ITPR1: variants seen among roughly 807,000 people sequenced by gnomAD.
The protein encoded by ITPR1 is inositol 1,4,5-trisphosphate receptor type 1, also known as inositol 1,4,5-trisphosphate-gated calcium channel ITPR1.
A neutral mutation model predicts 318.4 loss-of-function variants in ITPR1; 96 were observed. That is an observed-to-expected ratio of 0.30 (90% CI 0.26 to 0.36). ITPR1 has a LOEUF of 0.36. ITPR1 is among the 10% of genes least tolerant of loss of function. The probability of loss-of-function intolerance (pLI) is 1.00; values close to 1 mark genes in which losing one functional copy is unlikely to be tolerated. For synonymous variants in ITPR1, 1,312 were observed against 1,289.9 expected, an observed-to-expected ratio of 1.02 and a Z score of -0.37; for missense variants, 2,440 against 3,460.2, an observed-to-expected ratio of 0.71 and a Z score of 7.40.
chr3:4,666,737 G>A lies in ITPR1; in HGVS notation c.1714-640G>A, dbSNP rs548239485. Reference sequence around the variant, plus strand: ...CTATCTTGGCCAGGGAAGCATCTTTGAACAGAAACAAACAGGTATTTGTAA... The same window carrying A: ...CTATCTTGGCCAGGGAAGCATCTTTAAACAGAAACAAACAGGTATTTGTAA... On this transcript the variant is annotated intron_variant, in intron 17 of 61. Transcript: ENST00000649015. 5.3e-5 allele frequency among the ~76,000 whole-genome samples: 8 copies of A among 152,266 alleles called. No individual in the cohort carries two copies. The South Asian group carries it at 1.5e-3, about 28-fold the overall frequency.
intron 5 of ITPR1, among the ~76,000 whole-genome samples, chr3:4,628,497 C>G (rs1011852060): frequency 2.0e-5 from 3 of 152,160 alleles, no homozygotes; most frequent in African/African-American, 4.8e-5. Flanking sequence ...TGACATAGTT[C>G]TTTTAGTGCC....
At chr3:4,561,586 A>C (rs1208679568) in intron 4 of ITPR1, among the ~76,000 whole-genome samples, 1 of 152,192 alleles carries the variant, frequency 6.6e-6, no homozygotes, top group African/African-American at 2.4e-5. Context: ...AAAGAAGAGG[A>C]AAGGAGAAAA....
At chr3:4,644,771 G>A (rs2093417807) in intron 8 of ITPR1, among the ~76,000 whole-genome samples, 1 of 152,158 alleles carries the variant, frequency 6.6e-6, no homozygotes, top group South Asian at 2.1e-4. Flanking sequence ...GATAGATGTG[G>A]GTTCACATCC....
chr3:4,752,860 G>A (rs555623365), intron 44 of ITPR1, among the ~76,000 whole-genome samples: 76 of 152,226 alleles, frequency 5.0e-4, no homozygotes, highest in African/African-American at 1.5e-3. Context: ...ACACATTGGC[G>A]TCAATACAGT....
intron 53 of ITPR1, among the ~76,000 whole-genome samples, chr3:4,796,655 C>A (rs1221409665): frequency 2.0e-5 from 3 of 152,162 alleles, no homozygotes; most frequent in African/African-American, 7.2e-5. Flanking sequence ...GCATTCAGGC[C>A]AGTTCTGGGG....
intron 6 of ITPR1, among the ~76,000 whole-genome samples, chr3:4,641,801 G>T (rs1461668353): frequency 6.6e-6 from 1 of 152,198 alleles, no homozygotes; most frequent in Non-Finnish European, 1.5e-5. Flanking sequence ...CCCCACTGAC[G>T]GATGGCAGGT....
intron 13 of ITPR1, among the ~76,000 whole-genome samples, chr3:4,659,313 A>T (rs1342443078): frequency 2.0e-5 from 3 of 152,216 alleles, no homozygotes; most frequent in Non-Finnish European, 4.4e-5. Flanking sequence ...GCTATTTTAA[A>T]CATTTTTAAC....
At chr3:4,817,074 C>T (rs1057238610) in intron 59 of ITPR1, among the ~76,000 whole-genome samples, 34 of 152,258 alleles carry the variant, frequency 2.2e-4, no homozygotes, top group African/African-American at 4.6e-4. Flanking sequence ...AGAGCCCTTT[C>T]CAGCTGACTC....
rs528905388 is a variant in ITPR1 at position 4,616,123 on chromosome 3, A to T, written c.164-11640A>T. The stretch of plus-strand genomic sequence containing the variant: ...CAGTGTTTCACTGGTTTCCTCTTGT[A>T]CTGAACTGGAGTTAATTGCTTGTTT... On this transcript the variant is annotated intron_variant, in intron 4 of 61. Coordinates refer to ENST00000649015, the MANE Select transcript of ITPR1 (RefSeq NM_001378452.1). 1.7e-4 allele frequency among the ~76,000 whole-genome samples: 26 copies of T among 152,296 alleles called. 1 individual carries two copies. The South Asian group carries it at 5.0e-3, about 29-fold the overall frequency.
chr3:4,627,881 A>G lies in ITPR1; in HGVS notation c.279+3A>G. 1 of 1,594,292 alleles carries G rather than the reference A, an allele frequency of 6.3e-7. No individual in the cohort carries two copies. The highest frequency in any genetic ancestry group is 1.7e-4 in the Middle Eastern group (1 of 6,002). On this transcript the variant is annotated splice_donor_region_variant and intron_variant, in intron 5 of 61. Coordinates refer to ENST00000649015, the MANE Select transcript of ITPR1 (RefSeq NM_001378452.1). ...CAGTGCTACTCAACAAACTGCACGT[A>G]CGTATTGCCATGGGGCTGTCGATGG... is the stretch of plus-strand genomic sequence containing the variant.
At chr3:4,768,892 T>C in intron 46 of ITPR1, 128 bp downstream of exon 46, 1 of 861,346 alleles carries the variant, frequency 1.2e-6, no homozygotes, top group East Asian at 2.7e-5. Flanking sequence ...AAGGTTCTTT[T>C]TTTTCCTTTT....
intron 4 of ITPR1, among the ~76,000 whole-genome samples, chr3:4,523,811 G>A (rs1021775084): frequency 5.3e-5 from 8 of 152,186 alleles, no homozygotes; most frequent in African/African-American, 7.2e-5. Context: ...AGGGGAAGTC[G>A]GAGGAGACAT....
intron 4 of ITPR1, among the ~76,000 whole-genome samples, chr3:4,604,526 A>G (rs1030588411): frequency 3.3e-5 from 5 of 152,118 alleles, no homozygotes; most frequent in Admixed American, 1.3e-4. Context: ...CAGCGAGGAG[A>G]TGAGCTATCT....
intron 29 of ITPR1, 40 bp from the exon 30 acceptor site, chr3:4,685,029 G>A: frequency 6.3e-7 from 1 of 1,593,890 alleles, no homozygotes. Context: ...TCCAGCTATA[G>A]TTCCTAGTTT....
chr3:4,551,986 A>C (rs1038694606), intron 4 of ITPR1, among the ~76,000 whole-genome samples: 17 of 152,212 alleles, frequency 1.1e-4, no homozygotes, highest in Admixed American at 1.1e-3. Flanking sequence ...GCTTGTCTTT[A>C]ATCTAGGTCT....
chr3:4,823,069 T>C (rs1227797569), intron 60 of ITPR1, among the ~76,000 whole-genome samples: 1 of 152,238 alleles, frequency 6.6e-6, no homozygotes, highest in Non-Finnish European at 1.5e-5. Context: ...TTGCCTTTGC[T>C]CTAGTGCCAA....
chr3:4,515,720 A>C (rs1007335341), intron 2 of ITPR1, among the ~76,000 whole-genome samples: 1 of 152,188 alleles, frequency 6.6e-6, no homozygotes, highest in Non-Finnish European at 1.5e-5. Context: ...CTGAGACTTA[A>C]GAGCTTTTTC....
intron 44 of ITPR1, among the ~76,000 whole-genome samples, chr3:4,756,261 G>A (rs1022989946): frequency 1.3e-5 from 2 of 152,178 alleles, no homozygotes; most frequent in Non-Finnish European, 2.9e-5. Flanking sequence ...CGGAAGCAAC[G>A]ATGTTTATCT....
rs770009313 is a variant in ITPR1, at chr3:4,663,069, G to A, written c.1417G>A (p.Val473Ile). ...AATAGCGTCTTTCCTCCTAAGGTCT[G>A]TAACCAAGCTGCTAGAAGATTTGGT... is the stretch of plus-strand genomic sequence containing the variant. ...GTITQNERRS[V>I]TKLLEDLVYF... Residue 473 changes from valine to isoleucine, a missense_variant, in exon 16 of 62, where the codon GTA (valine) becomes ATA (isoleucine). Physicochemically the swap from Val to Ile is conservative, Grantham distance 29. Transcript: ENST00000649015. 6.2e-7 allele frequency: 1 copy of A among 1,613,584 alleles called. No individual in the cohort carries two copies. Among genetic ancestry groups the A allele is most frequent in the East Asian group, 2.2e-5 (1 of 44,862 alleles).
Sources: allele counts gnomAD v4.1 joint callset (sites outside exome capture counted in the v4.1 genomes callset), GRCh38; gene constraint gnomAD v4.1.1; transcripts MANE v1.5; gene names NCBI Gene and HGNC (gene_info 2026-07-23, HGNC 2026-07-21).